Variants in HSPBP1 observed in about 807,000 individuals in gnomAD.
The protein encoded by HSPBP1 is HSPA (Hsp70) binding protein 1, also known as hsp70-binding protein 1.
HSPBP1 carries 31 observed loss-of-function variants against 41.7 expected under a neutral mutation model. The observed-to-expected ratio is 0.74, with a 90% CI of 0.56 to 1.00. The LOEUF (loss-of-function observed/expected upper bound fraction) is 1.00. Ranked by LOEUF, HSPBP1 falls within the 50% of genes least tolerant of loss-of-function variation. HSPBP1 has a pLI of 0.00. For synonymous variants in HSPBP1, 199 were observed against 214.4 expected (o/e 0.93, Z 0.63); for missense variants, 439 against 487.9 (o/e 0.90, Z 0.94).
rs369274923 is a variant in HSPBP1, at chr19:55,266,384, A to C, written c.641-98T>G. ...CATCATCACAACCACCATCACCAAC[A>C]TCATCATCACCACCATCACCACTAT... On this transcript the variant is annotated intron_variant, in intron 4 of 7. Coordinates refer to ENST00000433386, the MANE Select transcript of HSPBP1 (RefSeq NM_012267.5). 9.6e-4 allele frequency: 1,123 copies of C among 1,166,790 alleles called. 10 individuals carry two copies. The African/African-American group carries it at 0.02, about 20-fold the overall frequency. The allele number at this position is 1,166,790 out of a possible 1,614,324, so 72.3% of individuals were successfully genotyped here. A position where few individuals can be genotyped will look rare whatever the true frequency, so the allele number is the denominator to read the frequency against.
At position 55,277,766 on chromosome 19, in the gene HSPBP1, G is replaced by T; in HGVS notation, c.291C>A (p.Leu97=). 6.2e-7 allele frequency: 1 copy of T among 1,606,806 alleles called. No individual in the cohort carries two copies. Among genetic ancestry groups the T allele is most frequent in the Non-Finnish European group, 8.5e-7 (1 of 1,176,318 alleles). ...REEVEQMKSC[L]RVLSQPMPPT... ...GGGGCATGGGCTGTGACAGCACTCG[G>T]AGGCAGCTCTTCATCTGCTCCACCT... Residue 97 remains leucine, a synonymous_variant, in exon 3 of 8, where the codon CTC becomes CTA. Transcript: ENST00000433386.
At chr19:55,269,451 G>C (rs1292198014) in intron 4 of HSPBP1, among the ~76,000 whole-genome samples, 1 of 152,054 alleles carries the variant, frequency 6.6e-6, no homozygotes, top group Non-Finnish European at 1.5e-5. Flanking sequence ...TGGGGGCAGG[G>C]ATCACAGTAT....
chr19:55,274,861 TGGAG>T (rs1171663542), intron 3 of HSPBP1, among the ~76,000 whole-genome samples: 1 of 151,960 alleles, frequency 6.6e-6, no homozygotes, highest in African/African-American at 2.4e-5. Flanking sequence ...AGGGACAACA[TGGAG>T]GGAGGACACA....
chr19:55,266,293 GA>G lies in HSPBP1; in HGVS notation c.641-8del, dbSNP rs1473904529. ...TCCTGCTCTCGGACCAGACCTGGGAGAGGGGGAAAGGTCCTGAGCTTGCAGT... is the reference window on the plus strand; with the variant it reads ...TCCTGCTCTCGGACCAGACCTGGGAGGGGGGAAAGGTCCTGAGCTTGCAGT... On this transcript the variant is annotated splice_polypyrimidine_tract_variant and splice_region_variant and intron_variant, in intron 4 of 7. Transcript: ENST00000433386. The G allele has an allele frequency of 6.4e-7, 1 of 1,566,108 alleles. No individual in the cohort carries two copies. Among genetic ancestry groups the G allele is most frequent in the Non-Finnish European group, 8.7e-7 (1 of 1,155,670 alleles).
chr19:55,274,347 A>ACCCCCCC lies in HSPBP1; in HGVS notation c.640+44_640+50dup, dbSNP rs11427517. The ACCCCCCC allele has an allele frequency of 1.4e-3, 467 of 327,766 alleles. 3 individuals are homozygous for ACCCCCCC. The highest frequency in any genetic ancestry group is 2.4e-3 in the South Asian group (67 of 28,364). 20.3% of individuals were successfully genotyped at this position (327,766 alleles called of 1,614,324 possible). A position where few individuals can be genotyped will look rare whatever the true frequency, so the allele number is the denominator to read the frequency against. ...AGCAGATCCCGGGGGCCCACCCGGC[A>ACCCCCCC]CCCCCCCCCACCGCCAGCACCCCTG... On this transcript the variant is annotated intron_variant, in intron 4 of 7. Coordinates refer to ENST00000433386, the MANE Select transcript of HSPBP1 (RefSeq NM_012267.5).
At position 55,277,715 on chromosome 19, in the gene HSPBP1, C is replaced by T. The variant is rs375485301; in HGVS notation, c.342G>A (p.Ala114=). The T allele has an allele frequency of 1.4e-5, 22 of 1,604,870 alleles. No homozygotes were observed. The highest frequency in any genetic ancestry group is 1.8e-4 in the Middle Eastern group (1 of 5,520). The part of the protein sequence containing the change: ...MPPTAGEAEQ[A]ADQQEREGAL... ...CCCCCTCTCGCTCTTGCTGGTCGGCCGCCTGCTCGGCCTCCCCAGCAGTGG... is the reference window on the plus strand; with the variant it reads ...CCCCCTCTCGCTCTTGCTGGTCGGCTGCCTGCTCGGCCTCCCCAGCAGTGG... The change falls in exon 3 of 8, where the codon GCG becomes GCA. Residue 114 remains alanine, a synonymous_variant. Transcript: ENST00000433386.
chr19:55,266,569 AC>A (rs1452223133), intron 4 of HSPBP1, among the ~76,000 whole-genome samples: 2 of 143,618 alleles, frequency 1.4e-5, no homozygotes, highest in Non-Finnish European at 3.1e-5. Flanking sequence ...CATCACTATC[AC>A]CATCACTATC....
At chr19:55,271,529 C>T (rs1013247316) in intron 4 of HSPBP1, among the ~76,000 whole-genome samples, 1 of 152,180 alleles carries the variant, frequency 6.6e-6, no homozygotes, top group Admixed American at 6.5e-5. Flanking sequence ...TTGGCTGTGA[C>T]TTTCCAAGTG....
rs572522900 is a variant in HSPBP1 at position 55,270,752 on chromosome 19, C to T, written c.640+3646G>A. Among the ~76,000 whole-genome samples, 47 of 151,572 alleles carry T rather than the reference C, an allele frequency of 3.1e-4. No individual in the cohort carries two copies. The highest frequency in any genetic ancestry group is 1.1e-3 in the African/African-American group (44 of 41,282). On this transcript the variant is annotated intron_variant, in intron 4 of 7. Coordinates refer to ENST00000433386, the MANE Select transcript of HSPBP1 (RefSeq NM_012267.5). This position sits in a 1 kb window ranked among gnomAD's most constrained non-coding sequence, Gnocchi z 5.4. Reference sequence around the variant, plus strand: ...ATACACACACCACATCCACACATCCCACACACGCCATGCACATCCACACAC... The same window carrying T: ...ATACACACACCACATCCACACATCCTACACACGCCATGCACATCCACACAC...
chr19:55,278,711 C>T lies in HSPBP1; in HGVS notation c.210+688G>A, dbSNP rs189461968. On this transcript the variant is annotated intron_variant, in intron 2 of 7. Transcript: ENST00000433386. ...GGTGGATCACTTGACGCCAGGAGTTCGAGACCAGCCTGGCCAATGTAGTGA... is the reference window on the plus strand; with the variant it reads ...GGTGGATCACTTGACGCCAGGAGTTTGAGACCAGCCTGGCCAATGTAGTGA... Among the ~76,000 whole-genome samples, 279 of 152,070 alleles carry T rather than the reference C, an allele frequency of 1.8e-3. 1 individual carries two copies. Among genetic ancestry groups the T allele is most frequent in the African/African-American group, 5.4e-3 (225 of 41,490 alleles).
intron 7 of HSPBP1, among the ~76,000 whole-genome samples, chr19:55,263,540 C>T (rs1296029877): frequency 6.6e-6 from 1 of 152,208 alleles, no homozygotes; most frequent in East Asian, 1.9e-4. Flanking sequence ...GTTATTCTTT[C>T]AGCAGTGTTT....
intron 4 of HSPBP1, among the ~76,000 whole-genome samples, chr19:55,274,083 A>G (rs2087994890): frequency 6.6e-6 from 1 of 151,544 alleles, no homozygotes; most frequent in African/African-American, 2.4e-5. Context: ...AGTGCACAGG[A>G]CGGCCCCCGA....
chr19:55,262,712 GC>G (rs1483865857), intron 7 of HSPBP1, 30 bp from the exon 8 acceptor site: 6 of 1,601,972 alleles, frequency 3.7e-6, no homozygotes, highest in Non-Finnish European at 5.1e-6. Context: ...GGAGCAAGGG[GC>G]CTGAGTGCAG....
At chr19:55,271,188 C>T (rs2087915324) in intron 4 of HSPBP1, among the ~76,000 whole-genome samples, 1 of 152,012 alleles carries the variant, frequency 6.6e-6, no homozygotes, top group Non-Finnish European at 1.5e-5. Context: ...ATGTGACTGT[C>T]TCACAGATTT....
intron 6 of HSPBP1, 54 bp from the exon 7 acceptor site, chr19:55,265,443 C>T (rs2087750291): frequency 7.1e-7 from 1 of 1,415,340 alleles, no homozygotes; most frequent in Admixed American, 1.7e-5. Flanking sequence ...GCCTCACTGA[C>T]CCAACCCTAT....
chr19:55,279,587 C>A lies in HSPBP1; in HGVS notation c.22G>T (p.Gly8Trp). ...GGCAGCGCCAGGGGCAGGCGGCTCCCCCTTGAGCCTTCGTCTGACATGGGC... is the reference window on the plus strand; with the variant it reads ...GGCAGCGCCAGGGGCAGGCGGCTCCACCTTGAGCCTTCGTCTGACATGGGC... MSDEGSR[G>W]SRLPLALPPA... Residue 8 changes from glycine to tryptophan, a missense_variant, in exon 2 of 8, where the codon GGG becomes TGG. Transcript: ENST00000433386. 6.3e-7 allele frequency: 1 copy of A among 1,595,984 alleles called. No individual in the cohort carries two copies.
At position 55,270,438 on chromosome 19, in the gene HSPBP1, G is replaced by A. The variant is rs562011907; in HGVS notation, c.640+3960C>T. Among the ~76,000 whole-genome samples the A allele has an allele frequency of 9.2e-5, 14 of 152,284 alleles. No homozygotes were observed. The South Asian group carries it at 1.9e-3, about 20-fold the overall frequency. ...ATGAGACCTTCAGGGAACGAGGCCC[G>A]GCTGACGGCTGACCACAACCTCATG... On this transcript the variant is annotated intron_variant, in intron 4 of 7. Coordinates refer to ENST00000433386, the MANE Select transcript of HSPBP1 (RefSeq NM_012267.5). This position sits in a 1 kb window ranked among gnomAD's most constrained non-coding sequence, Gnocchi z 5.4.
chr19:55,277,716 G>T lies in HSPBP1; in HGVS notation c.341C>A (p.Ala114Glu), dbSNP rs759133962. The stretch of plus-strand genomic sequence containing the variant: ...CCCCTCTCGCTCTTGCTGGTCGGCC[G>T]CCTGCTCGGCCTCCCCAGCAGTGGG... ...MPPTAGEAEQ[A>E]ADQQEREGAL... Residue 114 changes from alanine (A) to glutamate (E), a missense_variant, in exon 3 of 8, where the codon GCG becomes GAG. Ala to Glu is a moderately radical substitution (Grantham distance 107, BLOSUM62 -1). Transcript: ENST00000433386. 1.9e-6 allele frequency: 3 copies of T among 1,604,590 alleles called. No homozygotes were observed. Among genetic ancestry groups the T allele is most frequent in the Non-Finnish European group, 2.6e-6 (3 of 1,176,342 alleles).
intron 3 of HSPBP1, among the ~76,000 whole-genome samples, chr19:55,277,413 G>T (rs545963498): frequency 1.4e-4 from 22 of 152,236 alleles, no homozygotes; most frequent in Non-Finnish European, 2.2e-4. Flanking sequence ...GACACCCAGA[G>T]GACTAGGAGA....
Sources: gnomAD v4.1 joint callset for allele counts (sites outside exome capture counted in the v4.1 genomes callset) on GRCh38, gnomAD v4.1.1 for gene constraint, Gnocchi (gnomAD v3.1) non-coding constraint, MANE v1.5 for transcripts, NCBI Gene and HGNC (gene_info 2026-07-23, HGNC 2026-07-21) for gene names.